Variants in SEMA3B observed in about 807,000 individuals in gnomAD.
SEMA3B encodes semaphorin 3B.
SEMA3B carries 71 observed loss-of-function variants against 77.8 expected under a neutral mutation model. That is an observed-to-expected ratio of 0.91 (90% CI 0.75 to 1.11). SEMA3B has a LOEUF of 1.11. SEMA3B is among the 50% of genes most tolerant of loss of function. SEMA3B has a pLI of 0.00. For synonymous variants in SEMA3B, 470 were observed against 452.9 expected (o/e 1.04, Z -0.48); for missense variants, 968 against 1,056.8 (o/e 0.92, Z 1.17).
chr3:50,270,820 T>C lies in SEMA3B; in HGVS notation c.331-70T>C. 1 of 1,544,572 alleles carries C rather than the reference T, an allele frequency of 6.5e-7. No individual in the cohort carries two copies. The highest frequency in any genetic ancestry group is 8.8e-7 in the Non-Finnish European group (1 of 1,142,040). On this transcript the variant is annotated intron_variant, in intron 3 of 16. Coordinates refer to ENST00000616701, the MANE Select transcript of SEMA3B (RefSeq NM_001290060.2). The surrounding 1 kb of genome is among the most constrained non-coding windows in gnomAD (Gnocchi z 4.7). ...TGCCGAAGAGAGGGAGGGGTGAGGATGCCACTGGTGAGCTGGGACCTCTTA... is the reference window on the plus strand; with the variant it reads ...TGCCGAAGAGAGGGAGGGGTGAGGACGCCACTGGTGAGCTGGGACCTCTTA...
chr3:50,260,703 T>A, the SEMA3B span: 1 of 152,318 alleles, frequency 6.6e-6, no homozygotes, highest in Admixed American at 6.5e-5. Context: ...GGGGGAACCC[T>A]GCACAGAGGG....
At position 50,271,345 on chromosome 3, in the gene SEMA3B, C is replaced by T. The variant is rs1553705341; in HGVS notation, c.545-16C>T. On this transcript the variant is annotated splice_polypyrimidine_tract_variant and intron_variant, in intron 5 of 16. Coordinates refer to ENST00000616701, the MANE Select transcript of SEMA3B (RefSeq NM_001290060.2). Reference sequence around the variant, plus strand: ...GAGCCCTCCATTTGCCTGAGTGGCCCTTGCTCTGTCTGCAGGGGAGGAGCT... The same window carrying T: ...GAGCCCTCCATTTGCCTGAGTGGCCTTTGCTCTGTCTGCAGGGGAGGAGCT... 1 of 1,562,406 alleles carries T rather than the reference C, an allele frequency of 6.4e-7. No individual in the cohort carries two copies. Among genetic ancestry groups the T allele is most frequent in the East Asian group, 2.4e-5 (1 of 41,790 alleles).
At chr3:50,272,944 G>A (rs1264032510) in intron 6 of SEMA3B, among the ~76,000 whole-genome samples, 1 of 152,146 alleles carries the variant, frequency 6.6e-6, no homozygotes, top group African/African-American at 2.4e-5. Context: ...TTATGCTAGA[G>A]AGGAAGATTC....
At chr3:50,271,325 C>G in intron 5 of SEMA3B, 36 bp from the exon 6 acceptor site, 1 of 1,554,954 alleles carries the variant, frequency 6.4e-7, no homozygotes, top group Non-Finnish European at 8.7e-7. Context: ...CCCAAGAGCC[C>G]TCCATTTGCC....
rs1442307088 is a variant in SEMA3B at position 50,276,637 on chromosome 3, C to A, written c.2181C>A (p.Gly727=). 5 of 1,594,472 alleles carry A rather than the reference C, an allele frequency of 3.1e-6. No individual in the cohort carries two copies. In the African/African-American group the frequency reaches 6.7e-5, roughly 21 times the overall value. Residue 727 remains glycine (G), a synonymous_variant, in exon 17 of 17, where the codon GGC becomes GGA. Transcript: ENST00000616701. The surrounding 1 kb of genome is among the most constrained non-coding windows in gnomAD (Gnocchi z 5.8). ...TGCCCCTGGAGTCGCGGAGAAAGGG[C>A]CGTAACCGGAGGACCCACGCCCCTG... ...QSLPLESRRK[G]RNRRTHAPEP... is the part of the protein sequence containing the mutation.
intron 6 of SEMA3B, among the ~76,000 whole-genome samples, chr3:50,272,129 G>A (rs1290309922): frequency 6.6e-6 from 1 of 152,018 alleles, no homozygotes; most frequent in Non-Finnish European, 1.5e-5. Context: ...TTAGCTGGGG[G>A]CAGTGGCATG....
In SEMA3B at chr3:50,273,081, C is replaced by G; in HGVS notation, c.665-217C>G. 1 of 671,568 alleles carries G rather than the reference C, an allele frequency of 1.5e-6. No individual in the cohort carries two copies. Among genetic ancestry groups the G allele is most frequent in the Non-Finnish European group, 2.4e-6 (1 of 417,872 alleles). 41.6% of individuals were successfully genotyped at this position (671,568 alleles called of 1,614,324 possible). A position where few individuals can be genotyped will look rare whatever the true frequency, so the allele number is the denominator to read the frequency against. On this transcript the variant is annotated intron_variant, in intron 6 of 16. Coordinates refer to ENST00000616701, the MANE Select transcript of SEMA3B (RefSeq NM_001290060.2). The surrounding 1 kb of genome is among the most constrained non-coding windows in gnomAD (Gnocchi z 6.5). ...CTGCGCCCCCAGGTAGCCACGGTCTCTGCTGCCCCCTCGCGGCTGCTTCTT... is the reference window on the plus strand; with the variant it reads ...CTGCGCCCCCAGGTAGCCACGGTCTGTGCTGCCCCCTCGCGGCTGCTTCTT...
At chr3:50,264,209 CAAAAA>C (rs1167517681), upstream of SEMA3B, among the ~76,000 whole-genome samples, 2 of 149,370 alleles carry the variant, frequency 1.3e-5, no homozygotes, top group African/African-American at 4.9e-5. Flanking sequence ...GATCCTGTCT[CAAAAA>C]AAAGAAGAAA....
Position 50,273,759 on chromosome 3 carries a change from A to G in SEMA3B, c.923A>G (p.Gln308Arg). The change falls in exon 9 of 17, where the codon CAG (glutamine) becomes CGG (arginine). Residue 308 changes from glutamine to arginine, a missense_variant and splice_region_variant. By Grantham distance (43) the Gln-to-Arg change is conservative (BLOSUM62 1). Transcript: ENST00000616701. This position sits in a 1 kb window ranked among gnomAD's most constrained non-coding sequence, Gnocchi z 6.5. ...VEGDTHFDQL[Q>R]DVFLLSSRDH... Reference sequence around the variant, plus strand: ...CCCCAGCTAGGCCCCTTCCCCGCAGAGGATGTGTTTCTGTTGTCCTCGCGG... The same window carrying G: ...CCCCAGCTAGGCCCCTTCCCCGCAGGGGATGTGTTTCTGTTGTCCTCGCGG... 6.2e-7 allele frequency: 1 copy of G among 1,603,232 alleles called. No homozygotes were observed. The highest frequency in any genetic ancestry group is 8.5e-7 in the Non-Finnish European group (1 of 1,177,270).
Position 50,275,088 on chromosome 3 carries a change from A to C in SEMA3B, c.1491+35A>C. ...CAGGATGGGGGTCGGGGTGGGATGG[A>C]CTGAGCTTGTGCCTGGCGCGTCCCA... On this transcript the variant is annotated intron_variant, in intron 13 of 16. Coordinates refer to ENST00000616701, the MANE Select transcript of SEMA3B (RefSeq NM_001290060.2). This position sits in a 1 kb window ranked among gnomAD's most constrained non-coding sequence, Gnocchi z 7.5. 1 of 1,550,864 alleles carries C rather than the reference A, an allele frequency of 6.4e-7. No homozygotes were observed. Among genetic ancestry groups the C allele is most frequent in the Non-Finnish European group, 8.7e-7 (1 of 1,145,222 alleles).
chr3:50,275,210 C>A lies in SEMA3B; in HGVS notation c.1492-92C>A. The stretch of plus-strand genomic sequence containing the variant: ...ACCTGAGGCGTAAGACCTCAGTGTT[C>A]CCATCTGTCGAGTGGAAGAAGGGAT... On this transcript the variant is annotated intron_variant, in intron 13 of 16. Transcript: ENST00000616701. This position sits in a 1 kb window ranked among gnomAD's most constrained non-coding sequence, Gnocchi z 7.5. 1 of 1,461,964 alleles carries A rather than the reference C, an allele frequency of 6.8e-7. No individual in the cohort carries two copies. The highest frequency in any genetic ancestry group is 2.5e-5 in the East Asian group (1 of 40,428). The allele number at this position is 1,461,964 out of a possible 1,614,324, so 90.6% of individuals were successfully genotyped here.
At position 50,274,003 on chromosome 3, in the gene SEMA3B, C is replaced by T. The variant is rs782659204; in HGVS notation, c.1083C>T (p.Pro361=). The T allele has an allele frequency of 2.0e-5, 32 of 1,613,740 alleles. No homozygotes were observed. Among genetic ancestry groups the T allele is most frequent in the Non-Finnish European group, 2.5e-5 (29 of 1,179,808 alleles). ...FLGPFAHKEG[P]MHQWVSYQGR... is the part of the protein sequence containing the mutation. ...GACCCTTTGCACACAAGGAGGGGCC[C>T]ATGCACCAGTGGGTGTCATACCAGG... The change falls in exon 10 of 17, where the codon CCC becomes CCT. Residue 361 remains proline (P), a synonymous_variant. Transcript: ENST00000616701. This position sits in a 1 kb window ranked among gnomAD's most constrained non-coding sequence, Gnocchi z 4.7.
rs368737169 is a variant in SEMA3B at position 50,273,416 on chromosome 3, C to G, written c.783C>G (p.Ser261=). The change falls in exon 7 of 17, where the codon TCC becomes TCG. Residue 261 remains serine, a synonymous_variant. Transcript: ENST00000616701. The surrounding 1 kb of genome is among the most constrained non-coding windows in gnomAD (Gnocchi z 6.5). ...VEAAPALGRL[S]VSRVGQICRN... ...CGGCGCCGGCACTGGGACGCCTGTCCGTGTCCCGCGTTGGCCAGATCTGCC... is the reference window on the plus strand; with the variant it reads ...CGGCGCCGGCACTGGGACGCCTGTCGGTGTCCCGCGTTGGCCAGATCTGCC... 25 of 1,613,564 alleles carry G rather than the reference C, an allele frequency of 1.5e-5. No individual in the cohort carries two copies. The highest frequency in any genetic ancestry group is 1.9e-5 in the Non-Finnish European group (23 of 1,179,810).
chr3:50,262,156 A>G, the SEMA3B span: 2 of 152,224 alleles, frequency 1.3e-5, no homozygotes, highest in African/African-American at 4.8e-5. Flanking sequence ...TTAGCTGGGC[A>G]TGATGACGGG....
At chr3:50,263,837 C>A (rs1391415010), upstream of SEMA3B, among the ~76,000 whole-genome samples, 2 of 151,854 alleles carry the variant, frequency 1.3e-5, no homozygotes, top group African/African-American at 4.8e-5. Flanking sequence ...AAAGTAGAAC[C>A]CTGGGCACAG....
At position 50,273,791 on chromosome 3, in the gene SEMA3B, C is replaced by A; in HGVS notation, c.955C>A (p.Arg319=). 2 of 1,591,932 alleles carry A rather than the reference C, an allele frequency of 1.3e-6. No homozygotes were observed. Among genetic ancestry groups the A allele is most frequent in the East Asian group, 2.3e-5 (1 of 43,516 alleles). ...GTTTCTGTTGTCCTCGCGGGACCAC[C>A]GGACCCCGCTGCTCTATGCCGTCTT... is the stretch of plus-strand genomic sequence containing the variant. ...DVFLLSSRDH[R]TPLLYAVFST... is the part of the protein sequence containing the mutation. Residue 319 remains arginine (R), a synonymous_variant, in exon 9 of 17, where the codon CGG becomes AGG. Transcript: ENST00000616701. This position sits in a 1 kb window ranked among gnomAD's most constrained non-coding sequence, Gnocchi z 6.5.
chr3:50,275,420 A>G lies in SEMA3B; in HGVS notation c.1610A>G (p.Asp537Gly), dbSNP rs1553706372. 6.2e-7 allele frequency: 1 copy of G among 1,602,690 alleles called. No individual in the cohort carries two copies. The change falls in exon 14 of 17, where the codon GAC becomes GGC. Residue 537 changes from aspartate (D) to glycine (G), a missense_variant. Coordinates refer to ENST00000616701, the MANE Select transcript of SEMA3B (RefSeq NM_001290060.2). This position sits in a 1 kb window ranked among gnomAD's most constrained non-coding sequence, Gnocchi z 7.5. The stretch of plus-strand genomic sequence containing the variant: ...GCGCGTGACCCCTACTGCGCCTGGG[A>G]CGGGGTCGCGTGCACGCGCTTCCAG... ...CLARDPYCAW[D>G]GVACTRFQPS...
chr3:50,273,820 C>A lies in SEMA3B; in HGVS notation c.984C>A (p.Ser328=). The A allele has an allele frequency of 6.3e-7, 1 of 1,580,772 alleles. No homozygotes were observed. The highest frequency in any genetic ancestry group is 1.1e-5 in the South Asian group (1 of 87,486). The change falls in exon 9 of 17, where the codon TCC becomes TCA. Residue 328 remains serine, a synonymous_variant. Coordinates refer to ENST00000616701, the MANE Select transcript of SEMA3B (RefSeq NM_001290060.2). This position sits in a 1 kb window ranked among gnomAD's most constrained non-coding sequence, Gnocchi z 6.5. ...HRTPLLYAVF[S]TSSSIFQGSA... is the part of the protein sequence containing the mutation. ...CCCCGCTGCTCTATGCCGTCTTCTC[C>A]ACGTCCAGGTGAGGGGCAGGAGGTA...
In SEMA3B at chr3:50,274,058, G is replaced by A. The variant is rs201253791; in HGVS notation, c.1137+1G>A. The A allele has an allele frequency of 7.7e-5, 125 of 1,612,930 alleles. No homozygotes were observed. The highest frequency in any genetic ancestry group is 1.0e-4 in the Non-Finnish European group (118 of 1,179,630). ...CGTCCCCTACCCGCGGCCAGGCATG[G>A]TTCGTAGCCCAGGGACTTCTGCTAC... On this transcript the variant is annotated splice_donor_variant, in intron 10 of 16. Coordinates refer to ENST00000616701, the MANE Select transcript of SEMA3B (RefSeq NM_001290060.2). LOFTEE classifies it high-confidence loss of function. This position sits in a 1 kb window ranked among gnomAD's most constrained non-coding sequence, Gnocchi z 4.7.
Sources: allele counts gnomAD v4.1 joint callset (sites outside exome capture counted in the v4.1 genomes callset), GRCh38; gene constraint gnomAD v4.1.1; non-coding constraint Gnocchi (gnomAD v3.1); transcripts MANE v1.5; gene names NCBI Gene and HGNC (gene_info 2026-07-23, HGNC 2026-07-21).